The following LARGE1 variants were observed in gnomAD, a reference collection of about 807,000 sequenced individuals.
The protein encoded by LARGE1 is xylosyl- and glucuronyltransferase LARGE1.
Under a neutral mutation model 87.6 loss-of-function variants are expected in LARGE1, and 43 were observed. The observed-to-expected ratio is 0.49, with a 90% CI of 0.38 to 0.63. LARGE1 has a LOEUF of 0.63. Ranked by LOEUF, LARGE1 falls within the 30% of genes least tolerant of loss-of-function variation. The probability of loss-of-function intolerance (pLI) is 0.00; values close to 1 mark genes in which losing one functional copy is unlikely to be tolerated. For synonymous variants in LARGE1, 434 were observed against 394.6 expected (o/e 1.10, Z -1.18); for missense variants, 802 against 1,000.2 (o/e 0.80, Z 2.67).
intron 11 of LARGE1, among the ~76,000 whole-genome samples, chr22:33,223,578 G>T (rs1925564954): frequency 6.6e-6 from 1 of 152,078 alleles, no homozygotes; most frequent in African/African-American, 2.4e-5. Flanking sequence ...AGTAAGTGAT[G>T]GTTCTTATAC....
At position 33,837,238 on chromosome 22, in the gene LARGE1, G is replaced by A. The variant is rs1203536475; in HGVS notation, c.-82-75680C>T. Among the ~76,000 whole-genome samples, 3 of 137,062 alleles carry A rather than the reference G, an allele frequency of 2.2e-5. No individual in the cohort carries two copies. The East Asian group carries it at 6.7e-4, about 31-fold the overall frequency. The allele number at this position is 137,062 out of a possible 152,430, so 89.9% of individuals were successfully genotyped here. On this transcript the variant is annotated intron_variant, in intron 1 of 14. Coordinates refer to ENST00000397394, the MANE Select transcript of LARGE1 (RefSeq NM_133642.5). The stretch of plus-strand genomic sequence containing the variant: ...ATGCCACTCCATATATATATATATG[G>A]AGTAGAGAGTATTACATATACACAC...
chr22:33,626,460 C>A, intron 3 of LARGE1, 134 bp from the exon 4 acceptor site: 1 of 711,052 alleles, frequency 1.4e-6, no homozygotes. Context: ...ACACTGTCTG[C>A]AGCTGTGGAA....
At chr22:33,192,062 A>G (rs1454002086) in intron 11 of LARGE1, among the ~76,000 whole-genome samples, 1 of 152,214 alleles carries the variant, frequency 6.6e-6, no homozygotes, top group Non-Finnish European at 1.5e-5. Context: ...GGGTCAAACT[A>G]GAAATCTTTT....
intron 2 of LARGE1, among the ~76,000 whole-genome samples, chr22:33,749,047 T>C (rs2084211150): frequency 6.6e-6 from 1 of 152,258 alleles, no homozygotes; most frequent in Admixed American, 6.5e-5. Context: ...CAAAGATTTG[T>C]TAAATGACCA....
At chr22:33,193,540 G>A (rs1213932562) in intron 11 of LARGE1, among the ~76,000 whole-genome samples, 4 of 152,116 alleles carry the variant, frequency 2.6e-5, no homozygotes, top group Non-Finnish European at 4.4e-5. Context: ...GGCCGGGCAC[G>A]GTGGCTCATG....
intron 6 of LARGE1, among the ~76,000 whole-genome samples, chr22:33,502,875 G>A (rs1020954686): frequency 1.3e-5 from 2 of 150,802 alleles, no homozygotes; most frequent in African/African-American, 4.8e-5. Context: ...CACAAGTGCT[G>A]GGTGAATGAA....
chr22:33,779,373 C>T (rs2085346247), intron 1 of LARGE1, among the ~76,000 whole-genome samples: 1 of 151,630 alleles, frequency 6.6e-6, no homozygotes, highest in South Asian at 2.1e-4. Flanking sequence ...AATAATATGC[C>T]ATACATTACA....
intron 1 of LARGE1, among the ~76,000 whole-genome samples, chr22:33,909,074 G>A (rs911901898): frequency 2.0e-5 from 3 of 152,130 alleles, no homozygotes; most frequent in Non-Finnish European, 4.4e-5. Context: ...CAATAAGAGA[G>A]GCCCCGAAAA....
chr22:33,262,682 G>A (rs1369112343), intron 11 of LARGE1, among the ~76,000 whole-genome samples: 1 of 152,146 alleles, frequency 6.6e-6, no homozygotes, highest in Admixed American at 6.5e-5. Context: ...CAGTCAGGAT[G>A]ATAACCAATG....
intron 2 of LARGE1, among the ~76,000 whole-genome samples, chr22:33,722,202 G>T (rs368645394): frequency 8.6e-5 from 13 of 151,536 alleles, no homozygotes; most frequent in African/African-American, 3.1e-4. Flanking sequence ...GCAATGAGCC[G>T]AGATCACGCC....
intron 13 of LARGE1, among the ~76,000 whole-genome samples, chr22:33,277,621 T>C (rs1363160204): frequency 1.3e-5 from 2 of 152,190 alleles, no homozygotes; most frequent in Non-Finnish European, 2.9e-5. Context: ...CAAAGATTGC[T>C]AAACACTGCT....
intron 6 of LARGE1, among the ~76,000 whole-genome samples, chr22:33,472,599 C>T (rs1428854696): frequency 1.3e-5 from 2 of 152,162 alleles, no homozygotes; most frequent in African/African-American, 4.8e-5. Context: ...TTCCACACCA[C>T]ACACAATAGT....
At chr22:33,493,368 C>T (rs1179589673) in intron 6 of LARGE1, among the ~76,000 whole-genome samples, 1 of 151,832 alleles carries the variant, frequency 6.6e-6, no homozygotes, top group Non-Finnish European at 1.5e-5. Context: ...ACCATGTTGG[C>T]CAGGCTGGTC....
the LARGE1 span, among the ~76,000 whole-genome samples, chr22:33,093,957 G>C: frequency 6.6e-6 from 1 of 150,456 alleles, no homozygotes; most frequent in Non-Finnish European, 1.5e-5. Context: ...GCCTCCTGTT[G>C]GTCAGGCTCG....
chr22:33,921,260 C>G (rs2065943492), upstream of LARGE1, among the ~76,000 whole-genome samples: 1 of 152,126 alleles, frequency 6.6e-6, no homozygotes, highest in East Asian at 1.9e-4. This position sits in a 1 kb window ranked among gnomAD's most constrained non-coding sequence, Gnocchi z 4.1. Context: ...CACCCGGAGC[C>G]GGGATCCCGG....
Position 33,632,872 on chromosome 22 carries a change from T to A in LARGE1, c.409-6546A>T, listed in dbSNP as rs201551870. ...CTTTTTAAAAGCTTTACAAAGCTCT[T>A]GAGTAATGAACCATAAAAGCTCTTT... is the stretch of plus-strand genomic sequence containing the variant. On this transcript the variant is annotated intron_variant, in intron 3 of 14. Coordinates refer to ENST00000397394, the MANE Select transcript of LARGE1 (RefSeq NM_133642.5). 1.9e-4 allele frequency among the ~76,000 whole-genome samples: 29 copies of A among 152,328 alleles called. No homozygotes were observed. The East Asian group carries it at 2.7e-3, about 14-fold the overall frequency.
At chr22:33,384,693 C>A (rs1178671928) in intron 7 of LARGE1, among the ~76,000 whole-genome samples, 2 of 148,308 alleles carry the variant, frequency 1.3e-5, no homozygotes, top group Admixed American at 1.3e-4. Flanking sequence ...GGTGGCCGCA[C>A]AACAATGTGA....
At chr22:33,746,965 G>C (rs1012093853) in intron 2 of LARGE1, among the ~76,000 whole-genome samples, 1 of 152,120 alleles carries the variant, frequency 6.6e-6, no homozygotes, top group Non-Finnish European at 1.5e-5. Context: ...CCTCCCCTGA[G>C]GAACCCCATT....
intron 9 of LARGE1, among the ~76,000 whole-genome samples, chr22:33,360,479 T>A (rs2064346843): frequency 6.7e-6 from 1 of 149,504 alleles, no homozygotes; most frequent in African/African-American, 2.5e-5. Context: ...TACACATGTC[T>A]TATGTGGGCC....
Sources: allele counts gnomAD v4.1 joint callset (sites outside exome capture counted in the v4.1 genomes callset), GRCh38; gene constraint gnomAD v4.1.1; non-coding constraint Gnocchi (gnomAD v3.1); transcripts MANE v1.5; gene names NCBI Gene and HGNC (gene_info 2026-07-23, HGNC 2026-07-21).